The following HYCC1 variants were observed in gnomAD, a reference collection of about 807,000 sequenced individuals.
The protein encoded by HYCC1 is hyccin.
chr7:22,911,690 G>A, the HYCC1 span, among the ~76,000 whole-genome samples: 20 of 152,272 alleles, frequency 1.3e-4, no homozygotes, highest in South Asian at 8.3e-4. Context: ...CCTGGGAGGC[G>A]GAGGTTGCAG....
the HYCC1 span, among the ~76,000 whole-genome samples, chr7:22,916,032 A>G: frequency 2.0e-5 from 3 of 152,012 alleles, no homozygotes; most frequent in South Asian, 6.2e-4. Context: ...TTCCCTGGTG[A>G]CCAATCATGC....
chr7:23,013,117 G>C, the HYCC1 span, among the ~76,000 whole-genome samples: 1 of 152,226 alleles, frequency 6.6e-6, no homozygotes, highest in Admixed American at 6.5e-5. Flanking sequence ...GCACACATGT[G>C]CAAGCTGACG....
the HYCC1 span, among the ~76,000 whole-genome samples, chr7:22,979,226 G>T: frequency 6.6e-6 from 1 of 152,176 alleles, no homozygotes; most frequent in Non-Finnish European, 1.5e-5. Flanking sequence ...TTGATTTCAA[G>T]TAAGTGAAAT....
chr7:22,947,210 G>A, the HYCC1 span: 2 of 1,549,882 alleles, frequency 1.3e-6, no homozygotes, highest in Non-Finnish European at 1.7e-6. Context: ...TGACAAGGAT[G>A]CCCAATTCAG....
the HYCC1 span, among the ~76,000 whole-genome samples, chr7:22,933,794 A>G: frequency 6.6e-6 from 1 of 152,224 alleles, no homozygotes; most frequent in Non-Finnish European, 1.5e-5. Context: ...GTCTCTGATA[A>G]CACTAATAAC....
At chr7:22,911,120 G>C in the HYCC1 span, among the ~76,000 whole-genome samples, 4 of 152,266 alleles carry the variant, frequency 2.6e-5, no homozygotes, top group Non-Finnish European at 4.4e-5. Flanking sequence ...GAACAGAAAG[G>C]AAGAAATATA....
At chr7:22,919,435 A>G in the HYCC1 span, among the ~76,000 whole-genome samples, 1 of 152,148 alleles carries the variant, frequency 6.6e-6, no homozygotes, top group African/African-American at 2.4e-5. Context: ...AGGCTGAGGC[A>G]GAAGAATCAC....
At chr7:22,924,218 G>A in the HYCC1 span, among the ~76,000 whole-genome samples, 116 of 150,174 alleles carry the variant, frequency 7.7e-4, 4 homozygotes, top group South Asian at 0.023. Flanking sequence ...CAAGATGGCC[G>A]AATAGGAACA....
chr7:22,963,178 G>A, the HYCC1 span, among the ~76,000 whole-genome samples: 5 of 152,114 alleles, frequency 3.3e-5, no homozygotes, highest in Admixed American at 2.0e-4. Context: ...CACATGAAAA[G>A]CAAAACAAAC....
chr7:22,999,945 A>T, the HYCC1 span, among the ~76,000 whole-genome samples: 34 of 152,280 alleles, frequency 2.2e-4, no homozygotes, highest in African/African-American at 6.5e-4. Flanking sequence ...GAAATACACA[A>T]AATCAACAAT....
chr7:22,901,221 CAAAAAAAAAAAAAA>C, the HYCC1 span, among the ~76,000 whole-genome samples: 4 of 21,506 alleles, frequency 1.9e-4, no homozygotes, highest in Non-Finnish European at 3.0e-4. Flanking sequence ...GACCCTGTCT[CAAAAAAAAAAAAAA>C]AAAAAAAAAA....
At chr7:22,964,446 C>T in the HYCC1 span, 2 of 1,605,042 alleles carry the variant, frequency 1.2e-6, no homozygotes, top group Non-Finnish European at 1.7e-6. Context: ...AACATTTGCA[C>T]CATGAATCCT....
chr7:23,009,703 A>T, the HYCC1 span, among the ~76,000 whole-genome samples: 3 of 152,154 alleles, frequency 2.0e-5, no homozygotes, highest in African/African-American at 7.2e-5. Context: ...TTTTCTCAAG[A>T]TAGAAAATGT....
chr7:23,013,201 G>A, the HYCC1 span, among the ~76,000 whole-genome samples: 1 of 152,190 alleles, frequency 6.6e-6, no homozygotes, highest in Non-Finnish European at 1.5e-5. Context: ...CCAAACCCCC[G>A]AGGATTCCCG....
the HYCC1 span, among the ~76,000 whole-genome samples, chr7:22,919,898 A>C: frequency 6.6e-6 from 1 of 152,250 alleles, no homozygotes; most frequent in African/African-American, 2.4e-5. Flanking sequence ...ATTTGAAGAA[A>C]TGATAGCATA....
chr7:22,929,236 C>A, the HYCC1 span, among the ~76,000 whole-genome samples: 4 of 152,288 alleles, frequency 2.6e-5, no homozygotes, highest in South Asian at 8.3e-4. Flanking sequence ...ACCACAAAAA[C>A]CCTCGAAGAA....
the HYCC1 span, among the ~76,000 whole-genome samples, chr7:22,991,373 T>C: frequency 6.6e-6 from 1 of 152,158 alleles, no homozygotes; most frequent in Non-Finnish European, 1.5e-5. Flanking sequence ...AATTTTCATT[T>C]AGTTTTCAGG....
chr7:23,007,666 G>A, the HYCC1 span, among the ~76,000 whole-genome samples: 3 of 152,034 alleles, frequency 2.0e-5, no homozygotes, highest in African/African-American at 7.2e-5. Context: ...CCTTAAAAAG[G>A]TAATACAAAA....
the HYCC1 span, among the ~76,000 whole-genome samples, chr7:22,955,994 T>C: frequency 1.3e-5 from 2 of 151,774 alleles, no homozygotes; most frequent in East Asian, 1.9e-4. Flanking sequence ...ACTTGAAAAA[T>C]TAATGAATTA....
Sources: allele counts gnomAD v4.1 joint callset (sites outside exome capture counted in the v4.1 genomes callset), GRCh38; gene constraint gnomAD v4.1.1; transcripts MANE v1.5; gene names NCBI Gene and HGNC (gene_info 2026-07-23, HGNC 2026-07-21).